The following ARL13A variants were observed in gnomAD, a reference collection of about 807,000 sequenced individuals.
The protein encoded by ARL13A is ARF like GTPase 13A, also known as ADP-ribosylation factor-like protein 13A.
ARL13A carries 16 observed loss-of-function variants against 19.1 expected under a neutral mutation model. The observed-to-expected ratio is 0.84, with a 90% CI of 0.57 to 1.27. ARL13A has a LOEUF of 1.27. Ranked by LOEUF, ARL13A falls within the 50% of genes most tolerant of loss-of-function variation. The pLI, the probability that ARL13A is intolerant of heterozygous loss-of-function variation, is 0.00. For missense variants in ARL13A, 153 were observed against 186.4 expected, an observed-to-expected ratio of 0.82 and a Z score of 1.04; for synonymous variants, 69 against 71.3, an observed-to-expected ratio of 0.97 and a Z score of 0.17.
intron 1 of ARL13A, among the ~76,000 whole-genome samples, chrX:100,972,466 G>A (rs2085672242): frequency 2.0e-5 from 2 of 98,216 alleles, no homozygotes; most frequent in Non-Finnish European, 4.2e-5. Flanking sequence ...CCCAGACGGG[G>A]CGGCTGGCCG....
chrX:100,983,299 AAT>A (rs1460571511), intron 3 of ARL13A, among the ~76,000 whole-genome samples: 1 of 111,513 alleles, frequency 9.0e-6, no homozygotes, highest in Non-Finnish European at 1.9e-5. Flanking sequence ...GGGCAAAAAA[AAT>A]ATATAAAGCT....
rs2086007232 is a variant in ARL13A, at chrX:100,990,812, T to C, written c.*224T>C. ...GCAGAAAAGGATTGGCAAAAATAAA[T>C]AGAACTTCTTTGCTGAGAATTATGC... is the stretch of plus-strand genomic sequence containing the variant. On this transcript the variant is annotated 3_prime_UTR_variant, in exon 8 of 8. Transcript: ENST00000450049. 1.6e-5 allele frequency: 6 copies of C among 367,385 alleles called. No individual in the cohort carries two copies. Among genetic ancestry groups the C allele is most frequent in the South Asian group, 1.5e-4 (3 of 19,961 alleles). 30.3% of individuals were successfully genotyped at this position (367,385 alleles called of 1,213,427 possible).
At chrX:100,976,643 A>G (rs1035233157) in intron 3 of ARL13A, among the ~76,000 whole-genome samples, 1 of 111,739 alleles carries the variant, frequency 8.9e-6, no homozygotes, top group Non-Finnish European at 1.9e-5. Flanking sequence ...ACGGAGTTTC[A>G]CTCTTGTTGC....
At chrX:100,981,530 G>A (rs894755251) in intron 3 of ARL13A, among the ~76,000 whole-genome samples, 1 of 109,214 alleles carries the variant, frequency 9.2e-6, no homozygotes, top group African/African-American at 3.3e-5. Flanking sequence ...AAGGTGGGGT[G>A]CGGGGGCTCA....
At chrX:100,987,671 C>T in intron 6 of ARL13A, 115 bp downstream of exon 6, 5 of 845,569 alleles carry the variant, frequency 5.9e-6, no homozygotes, top group Admixed American at 3.0e-5. Flanking sequence ...GAGCAAGTCT[C>T]TTGATATCAT....
At chrX:100,987,702 C>T (rs928952097) in intron 6 of ARL13A, 146 bp downstream of exon 6, 12 of 590,985 alleles carry the variant, frequency 2.0e-5, no homozygotes, top group Non-Finnish European at 5.1e-6. Flanking sequence ...GGGGCTAGGG[C>T]AGTGCCCACC....
At chrX:100,984,679 C>T (rs5967217) in intron 3 of ARL13A, among the ~76,000 whole-genome samples, 12,131 of 111,460 alleles carry the variant, frequency 0.11, 911 homozygotes, top group African/African-American at 0.26. Context: ...ATATAGCTTA[C>T]GTTTTAGTTG....
At chrX:100,983,787 T>C (rs932789003) in intron 3 of ARL13A, among the ~76,000 whole-genome samples, 9 of 112,018 alleles carry the variant, frequency 8.0e-5, no homozygotes, top group Non-Finnish European at 1.5e-4. Context: ...AGAGATGTTA[T>C]GAAAATCACA....
At chrX:100,980,014 G>A (rs1216107141) in intron 3 of ARL13A, among the ~76,000 whole-genome samples, 1 of 110,922 alleles carries the variant, frequency 9.0e-6, no homozygotes, top group Non-Finnish European at 1.9e-5. Flanking sequence ...CACTCTTGTG[G>A]CCACGACCAC....
At chrX:100,988,388 C>T (rs759177264) in intron 7 of ARL13A, 105 bp downstream of exon 7, 10 of 1,205,122 alleles carry the variant, frequency 8.3e-6, no homozygotes, top group South Asian at 1.8e-5. Flanking sequence ...AAAGAAGGTA[C>T]GAGATTATGG....
At chrX:100,975,933 G>A (rs1455434026) in intron 3 of ARL13A, among the ~76,000 whole-genome samples, 1 of 110,618 alleles carries the variant, frequency 9.0e-6, no homozygotes, top group Non-Finnish European at 1.9e-5. Context: ...TGCGCCCGGC[G>A]ACATGTTGCC....
intron 3 of ARL13A, among the ~76,000 whole-genome samples, chrX:100,977,507 A>G (rs2085786292): frequency 9.2e-6 from 1 of 108,501 alleles, no homozygotes; most frequent in South Asian, 4.1e-4. Flanking sequence ...CAGCCTCCCA[A>G]GTAGCTGGGA....
rs1224715832 is a variant in ARL13A, at chrX:100,973,622, C to G, written c.-14-54C>G. On this transcript the variant is annotated intron_variant, in intron 1 of 7. Transcript: ENST00000450049. Reference sequence around the variant, plus strand: ...TTTAGTCATAAGCTGACTAAAGGCTCAGTGTTTATAACAGGACTTACTTCT... The same window carrying G: ...TTTAGTCATAAGCTGACTAAAGGCTGAGTGTTTATAACAGGACTTACTTCT... 21 of 1,107,768 alleles carry G rather than the reference C, an allele frequency of 1.9e-5. No individual in the cohort carries two copies. In the Admixed American group the frequency reaches 4.7e-4, roughly 25 times the overall value. The allele number at this position is 1,107,768 out of a possible 1,213,427, so 91.3% of individuals were successfully genotyped here.
chrX:100,987,007 C>T, intron 5 of ARL13A, 106 bp downstream of exon 5: 1 of 474,654 alleles, frequency 2.1e-6, no homozygotes, highest in Admixed American at 4.5e-5. Flanking sequence ...CAAAGTCTCT[C>T]CCTGTCAGGC....
intron 7 of ARL13A, among the ~76,000 whole-genome samples, chrX:100,988,880 A>C (rs945524361): frequency 6.5e-5 from 6 of 91,840 alleles, no homozygotes; most frequent in South Asian, 5.1e-4. Context: ...ATATATATAT[A>C]TCAAGAATTT....
chrX:100,984,496 A>G (rs748616728), intron 3 of ARL13A, among the ~76,000 whole-genome samples: 1 of 111,568 alleles, frequency 9.0e-6, no homozygotes, highest in Non-Finnish European at 1.9e-5. Flanking sequence ...GGAATTCCCT[A>G]TGAGATTTTG....
chrX:100,977,503 C>G (rs1213029423), intron 3 of ARL13A, among the ~76,000 whole-genome samples: 1 of 108,903 alleles, frequency 9.2e-6, no homozygotes, highest in African/African-American at 3.4e-5. Flanking sequence ...ACCTCAGCCT[C>G]CCAAGTAGCT....
At chrX:100,988,851 CATATATATATATAT>C (rs55947893) in intron 7 of ARL13A, among the ~76,000 whole-genome samples, 3 of 79,676 alleles carry the variant, frequency 3.8e-5, no homozygotes, top group African/African-American at 4.9e-5. Flanking sequence ...TAATATATCT[CATATATATATATAT>C]ATATATATAT....
intron 3 of ARL13A, among the ~76,000 whole-genome samples, chrX:100,976,207 G>C (rs191823290): frequency 9.1e-6 from 1 of 109,365 alleles, no homozygotes; most frequent in Admixed American, 9.8e-5. Flanking sequence ...CTTTAGTCTC[G>C]GTGGGCCCTA....
Sources: gnomAD v4.1 joint callset for allele counts (sites outside exome capture counted in the v4.1 genomes callset) on GRCh38, gnomAD v4.1.1 for gene constraint, MANE v1.5 for transcripts, NCBI Gene and HGNC (gene_info 2026-07-23, HGNC 2026-07-21) for gene names.